ADARB1: variants seen among roughly 807,000 people sequenced by gnomAD.
The protein encoded by ADARB1 is double-stranded RNA-specific editase 1.
In ADARB1, 10 loss-of-function variants were observed where a neutral mutation model predicts 52.4. The ratio of observed to expected loss-of-function variants is 0.19; its 90% CI spans 0.12 to 0.32. The LOEUF (loss-of-function observed/expected upper bound fraction) is 0.32, where lower values mean the gene tolerates loss of function less well. ADARB1 is among the 10% of genes least tolerant of loss of function. The pLI, the probability that ADARB1 is intolerant of heterozygous loss-of-function variation, is 1.00. For missense variants in ADARB1, 643 were observed against 922.3 expected (o/e 0.70, Z 3.92); for synonymous variants, 349 against 371.1 (o/e 0.94, Z 0.68).
Position 45,222,729 on chromosome 21 carries a change from T to G in ADARB1, c.*532T>G, listed in dbSNP as rs1481013105. On this transcript the variant is annotated 3_prime_UTR_variant, in exon 11 of 11. Coordinates refer to ENST00000348831, the MANE Select transcript of ADARB1 (RefSeq NM_001112.4). The stretch of plus-strand genomic sequence containing the variant: ...GTAGCCTAAAGGAAATCGCCACACG[T>G]CTGTCTAAACTTAGGTCTCTTTTCT... 1 of 985,976 alleles carries G rather than the reference T, an allele frequency of 1.0e-6. No individual in the cohort carries two copies. The highest frequency in any genetic ancestry group is 1.2e-6 in the Non-Finnish European group (1 of 830,462). 61.1% of individuals were successfully genotyped at this position (985,976 alleles called of 1,614,324 possible).
intron 1 of ADARB1, among the ~76,000 whole-genome samples, chr21:45,088,894 A>G (rs531118777): frequency 1.8e-4 from 27 of 152,256 alleles, no homozygotes; most frequent in African/African-American, 6.5e-4. Flanking sequence ...CAGTCTAGTC[A>G]TGGAGAAATG....
At chr21:45,193,240 C>CT (rs2092346010) in intron 8 of ADARB1, among the ~76,000 whole-genome samples, 3 of 152,194 alleles carry the variant, frequency 2.0e-5, no homozygotes, top group Non-Finnish European at 2.9e-5. Flanking sequence ...GGGGCTATCC[C>CT]AGGAATTCCA....
intron 8 of ADARB1, among the ~76,000 whole-genome samples, chr21:45,196,195 G>A (rs1433479284): frequency 6.6e-6 from 1 of 151,960 alleles, no homozygotes; most frequent in African/African-American, 2.4e-5. Flanking sequence ...GCTGTTCATT[G>A]CTGGTCACAG....
intron 7 of ADARB1, among the ~76,000 whole-genome samples, chr21:45,183,763 G>A (rs1439462245): frequency 6.6e-6 from 1 of 152,136 alleles, no homozygotes; most frequent in African/African-American, 2.4e-5. Context: ...GATTAAAATT[G>A]TATCAGTATT....
chr21:45,195,217 CTGTT>C (rs930247811), intron 8 of ADARB1, among the ~76,000 whole-genome samples: 7 of 151,852 alleles, frequency 4.6e-5, no homozygotes, highest in African/African-American at 1.7e-4. Context: ...AATGACGTGT[CTGTT>C]AAATTTTTTT....
rs1259672145 is a variant in ADARB1, at chr21:45,225,066, T to G, written c.*2869T>G. On this transcript the variant is annotated 3_prime_UTR_variant, in exon 11 of 11. Transcript: ENST00000348831. Reference sequence around the variant, plus strand: ...TTTGACAAGTAGGGGAAGAGAGGGCTTCTGTTGTTTTGTTTTGTTTTGTTT... The same window carrying G: ...TTTGACAAGTAGGGGAAGAGAGGGCGTCTGTTGTTTTGTTTTGTTTTGTTT... 2.1e-6 allele frequency: 2 copies of G among 940,834 alleles called. No homozygotes were observed. The highest frequency in any genetic ancestry group is 8.6e-5 in the Admixed American group (1 of 11,584). The allele number at this position is 940,834 out of a possible 1,614,324, so 58.3% of individuals were successfully genotyped here. A position where few individuals can be genotyped will look rare whatever the true frequency, so the allele number is the denominator to read the frequency against.
chr21:45,170,723 G>T (rs1368283378), intron 2 of ADARB1, among the ~76,000 whole-genome samples: 1 of 152,064 alleles, frequency 6.6e-6, no homozygotes, highest in Non-Finnish European at 1.5e-5. Flanking sequence ...AAAGTAACGT[G>T]TGATTATAAA....
intron 5 of ADARB1, 72 bp downstream of exon 5, chr21:45,180,516 C>T: frequency 8.0e-7 from 1 of 1,252,728 alleles, no homozygotes; most frequent in Non-Finnish European, 1.2e-6. Context: ...TCTCAATCGA[C>T]AAAAACCACT....
intron 1 of ADARB1, among the ~76,000 whole-genome samples, chr21:45,085,802 C>T (rs1279361490): frequency 6.6e-6 from 1 of 152,192 alleles, no homozygotes; most frequent in African/African-American, 2.4e-5. Flanking sequence ...GGAATTGATT[C>T]TGTTGACACA....
At chr21:45,104,029 C>T (rs765612095) in intron 1 of ADARB1, among the ~76,000 whole-genome samples, 11 of 152,258 alleles carry the variant, frequency 7.2e-5, no homozygotes, top group East Asian at 3.9e-4. Flanking sequence ...GGGTCAGTGA[C>T]GGTTGATCTC....
Position 45,109,935 on chromosome 21 carries a change from T to G in ADARB1, c.-219-18467T>G, listed in dbSNP as rs2087459162. Among the ~76,000 whole-genome samples, 5 of 152,268 alleles carry G rather than the reference T, an allele frequency of 3.3e-5. 1 individual carries two copies. In the South Asian group the frequency reaches 1.0e-3, roughly 32 times the overall value. ...CTCTTTTTGTCGCTATAGACATTAGTGGAAAGCCACAAGTAGCGTGGGGGC... is the reference window on the plus strand; with the variant it reads ...CTCTTTTTGTCGCTATAGACATTAGGGGAAAGCCACAAGTAGCGTGGGGGC... On this transcript the variant is annotated intron_variant, in intron 1 of 10. Coordinates refer to ENST00000348831, the MANE Select transcript of ADARB1 (RefSeq NM_001112.4).
At chr21:45,209,502 C>G (rs971539444) in intron 9 of ADARB1, among the ~76,000 whole-genome samples, 1 of 152,138 alleles carries the variant, frequency 6.6e-6, no homozygotes, top group South Asian at 2.1e-4. Flanking sequence ...TTGATGTTAC[C>G]TGGCCCTTGC....
In ADARB1 at chr21:45,225,022, T is replaced by G. The variant is rs2093039407; in HGVS notation, c.*2825T>G. ...AGGAACTTGATTTTTTAAGAAAAAA[T>G]ATTACATTTTGAGGACATTTTGACA... is the stretch of plus-strand genomic sequence containing the variant. On this transcript the variant is annotated 3_prime_UTR_variant, in exon 11 of 11. Coordinates refer to ENST00000348831, the MANE Select transcript of ADARB1 (RefSeq NM_001112.4). The G allele has an allele frequency of 2.0e-6, 2 of 985,402 alleles. No homozygotes were observed. Among genetic ancestry groups the G allele is most frequent in the African/African-American group, 1.8e-5 (1 of 57,134 alleles). 61.0% of individuals were successfully genotyped at this position (985,402 alleles called of 1,614,324 possible).
chr21:45,222,405 G>A lies in ADARB1; in HGVS notation c.*208G>A. ...TGGGGAGGGGATGGGGTGCGTCAGG[G>A]CCCAGCATCGCCGCCTGGCATCTCT... On this transcript the variant is annotated 3_prime_UTR_variant, in exon 11 of 11. Transcript: ENST00000348831. The A allele has an allele frequency of 1.5e-6, 2 of 1,300,550 alleles. No homozygotes were observed. The highest frequency in any genetic ancestry group is 9.7e-7 in the Non-Finnish European group (1 of 1,029,866). 80.6% of individuals were successfully genotyped at this position (1,300,550 alleles called of 1,614,324 possible).
At chr21:45,131,033 C>T (rs1350155078) in intron 2 of ADARB1, among the ~76,000 whole-genome samples, 2 of 152,150 alleles carry the variant, frequency 1.3e-5, no homozygotes, top group Non-Finnish European at 2.9e-5. Context: ...TTTATTAACT[C>T]ATCTTTTTAT....
chr21:45,082,379 A>C lies in ADARB1; in HGVS notation c.-220+7586A>C, dbSNP rs114321839. Reference sequence around the variant, plus strand: ...ATATGTATCACTTTCACACCATCATAAAGTAAAAAAATCATAAGTCAGACT... The same window carrying C: ...ATATGTATCACTTTCACACCATCATCAAGTAAAAAAATCATAAGTCAGACT... On this transcript the variant is annotated intron_variant, in intron 1 of 10. Coordinates refer to ENST00000348831, the MANE Select transcript of ADARB1 (RefSeq NM_001112.4). 8.6e-3 allele frequency among the ~76,000 whole-genome samples: 1,303 copies of C among 152,356 alleles called. 11 individuals are homozygous for C. The highest frequency in any genetic ancestry group is 0.03 in the African/African-American group (1,251 of 41,586).
At chr21:45,155,682 A>G (rs1446184014) in intron 2 of ADARB1, among the ~76,000 whole-genome samples, 1 of 150,790 alleles carries the variant, frequency 6.6e-6, no homozygotes, top group Non-Finnish European at 1.5e-5. Flanking sequence ...CTAGTCATCC[A>G]TCTATCTGCG....
chr21:45,160,866 TAGA>T (rs1194838463), intron 2 of ADARB1, among the ~76,000 whole-genome samples: 3 of 152,248 alleles, frequency 2.0e-5, no homozygotes, highest in Non-Finnish European at 4.4e-5. Flanking sequence ...TCGACTTACA[TAGA>T]AGGTGTGCAC....
chr21:45,129,211 A>G (rs893559773), intron 2 of ADARB1, among the ~76,000 whole-genome samples: 11 of 152,108 alleles, frequency 7.2e-5, no homozygotes, highest in Non-Finnish European at 1.5e-4. Context: ...CCTGGGTGAC[A>G]GAGCAAGACT....
Sources: allele counts gnomAD v4.1 joint callset (sites outside exome capture counted in the v4.1 genomes callset), GRCh38; gene constraint gnomAD v4.1.1; transcripts MANE v1.5; gene names NCBI Gene and HGNC (gene_info 2026-07-23, HGNC 2026-07-21).